The following ARHGAP15 variants were observed in gnomAD, a reference collection of about 807,000 sequenced individuals.
ARHGAP15 encodes the protein Rho GTPase activating protein 15, also known as rho GTPase-activating protein 15.
ARHGAP15 carries 51 observed loss-of-function variants against 63.7 expected under a neutral mutation model. The observed-to-expected ratio is 0.80, with a 90% CI of 0.64 to 1.01. The LOEUF is 1.01. ARHGAP15 is among the 50% of genes least tolerant of loss of function. ARHGAP15 has a pLI of 0.00. For missense variants in ARHGAP15, 560 were observed against 564.6 expected, an observed-to-expected ratio of 0.99 and a Z score of 0.08; for synonymous variants, 191 against 193.8, an observed-to-expected ratio of 0.99 and a Z score of 0.12.
At chr2:143,608,586 A>G (rs538595672) in intron 11 of ARHGAP15, 3 of 152,322 alleles carry the variant, frequency 2.0e-5, no homozygotes, top group East Asian at 3.9e-4. Context: ...CTGGTCGTCT[A>G]TTGTGTCAGA....
intron 6 of ARHGAP15, among the ~76,000 whole-genome samples, chr2:143,393,885 C>T (rs1290527175): frequency 6.6e-6 from 1 of 152,174 alleles, no homozygotes. Flanking sequence ...GAGCAATCTA[C>T]TGAAAATATC....
intron 5 of ARHGAP15, among the ~76,000 whole-genome samples, chr2:143,248,134 G>A (rs543852340): frequency 6.6e-6 from 1 of 152,214 alleles, no homozygotes; most frequent in South Asian, 2.1e-4. Context: ...GTTAGGAGGA[G>A]GGCTGCAGTG....
intron 6 of ARHGAP15, among the ~76,000 whole-genome samples, chr2:143,254,415 TAAA>T (rs540309663): frequency 7.0e-6 from 1 of 142,840 alleles, no homozygotes; most frequent in Non-Finnish European, 1.5e-5. Context: ...CAAGTTTGTT[TAAA>T]AAAAAAAAAA....
intron 6 of ARHGAP15, among the ~76,000 whole-genome samples, chr2:143,432,226 CA>C (rs1689420175): frequency 6.6e-6 from 1 of 151,702 alleles, no homozygotes; most frequent in Admixed American, 6.6e-5. Flanking sequence ...TTCTAGTAAA[CA>C]AAAGTATGGA....
intron 6 of ARHGAP15, among the ~76,000 whole-genome samples, chr2:143,425,055 TTA>T (rs997101187): frequency 1.3e-5 from 2 of 152,144 alleles, no homozygotes; most frequent in Non-Finnish European, 2.9e-5. Flanking sequence ...CAACAATAAA[TTA>T]TATAGTCACC....
At chr2:143,138,446 T>A (rs1043629645) in intron 1 of ARHGAP15, among the ~76,000 whole-genome samples, 2 of 152,136 alleles carry the variant, frequency 1.3e-5, no homozygotes, top group African/African-American at 4.8e-5. Flanking sequence ...CATGAGGCCC[T>A]AGAGTCTAAA....
At chr2:143,339,788 A>G (rs1684973001) in intron 6 of ARHGAP15, among the ~76,000 whole-genome samples, 1 of 152,196 alleles carries the variant, frequency 6.6e-6, no homozygotes, top group Non-Finnish European at 1.5e-5. Context: ...ATAGCACACT[A>G]TACTTTAAAA....
intron 9 of ARHGAP15, among the ~76,000 whole-genome samples, chr2:143,513,086 G>A (rs1473128965): frequency 6.6e-6 from 1 of 152,204 alleles, no homozygotes; most frequent in Non-Finnish European, 1.5e-5. Context: ...ACCTTCTTGG[G>A]TGAGTACAGC....
intron 8 of ARHGAP15, among the ~76,000 whole-genome samples, chr2:143,461,162 C>T (rs546898664): frequency 6.6e-6 from 1 of 151,642 alleles, no homozygotes; most frequent in Non-Finnish European, 1.5e-5. Context: ...CGGTGGCGCA[C>T]ACCTGTAATC....
rs943757807 is a variant in ARHGAP15 at position 143,554,930 on chromosome 2, C to G, written c.926-1478C>G. Among the ~76,000 whole-genome samples, 3 of 152,124 alleles carry G rather than the reference C, an allele frequency of 2.0e-5. No homozygotes were observed. In the South Asian group the frequency reaches 6.2e-4, roughly 32 times the overall value. ...TCACCACTGGCTAACTGGTGTCCAG[C>G]TTCACCCAATTCCTCACAATTTATA... is the stretch of plus-strand genomic sequence containing the variant. On this transcript the variant is annotated intron_variant, in intron 10 of 13. Coordinates refer to ENST00000295095, the MANE Select transcript of ARHGAP15 (RefSeq NM_018460.4).
chr2:143,657,099 C>G (rs898452031), intron 12 of ARHGAP15, among the ~76,000 whole-genome samples: 3 of 152,172 alleles, frequency 2.0e-5, no homozygotes, highest in African/African-American at 7.2e-5. Context: ...GTAATCCCAG[C>G]ACTTTGGGAG....
chr2:143,677,200 A>G (rs1682870393), intron 12 of ARHGAP15, among the ~76,000 whole-genome samples: 1 of 152,232 alleles, frequency 6.6e-6, no homozygotes, highest in Non-Finnish European at 1.5e-5. Flanking sequence ...AAGAGATGAA[A>G]TAGGGAATTC....
At chr2:143,531,995 T>C (rs775342552) in intron 10 of ARHGAP15, among the ~76,000 whole-genome samples, 11 of 152,216 alleles carry the variant, frequency 7.2e-5, no homozygotes, top group Non-Finnish European at 1.5e-4. Flanking sequence ...GATCAAGATC[T>C]CTATTGTTGT....
At chr2:143,311,765 ATTTC>A (rs960981287) in intron 6 of ARHGAP15, among the ~76,000 whole-genome samples, 1 of 152,116 alleles carries the variant, frequency 6.6e-6, no homozygotes, top group African/African-American at 2.4e-5. Context: ...TTCACTTCAA[ATTTC>A]TTTCTTCTCC....
At chr2:143,139,413 G>A (rs186534966) in intron 1 of ARHGAP15, among the ~76,000 whole-genome samples, 62 of 152,132 alleles carry the variant, frequency 4.1e-4, no homozygotes, top group African/African-American at 1.4e-3. Flanking sequence ...ATTGAGTCTT[G>A]TCTAGATTAT....
chr2:143,311,476 A>G (rs1683445057), intron 6 of ARHGAP15, among the ~76,000 whole-genome samples: 1 of 152,116 alleles, frequency 6.6e-6, no homozygotes, highest in Non-Finnish European at 1.5e-5. Context: ...GAGAGGAAAG[A>G]CACTACCTAT....
intron 8 of ARHGAP15, among the ~76,000 whole-genome samples, chr2:143,451,797 A>G (rs1171741314): frequency 6.6e-6 from 1 of 151,986 alleles, no homozygotes; most frequent in African/African-American, 2.4e-5. Context: ...TTCAGGAGTA[A>G]TAAATCACTC....
intron 12 of ARHGAP15, among the ~76,000 whole-genome samples, chr2:143,670,099 T>C (rs999548144): frequency 1.4e-4 from 21 of 152,124 alleles, no homozygotes; most frequent in Non-Finnish European, 2.9e-4. Context: ...TGAATTACCA[T>C]GGAATAGACA....
chr2:143,148,249 C>A (rs994905122), intron 1 of ARHGAP15, among the ~76,000 whole-genome samples: 2 of 151,990 alleles, frequency 1.3e-5, no homozygotes, highest in African/African-American at 4.8e-5. Context: ...ACCCTAAAAT[C>A]ATCTCCAGTC....
Sources: gnomAD v4.1 joint callset for allele counts (sites outside exome capture counted in the v4.1 genomes callset) on GRCh38, gnomAD v4.1.1 for gene constraint, MANE v1.5 for transcripts, NCBI Gene and HGNC (gene_info 2026-07-23, HGNC 2026-07-21) for gene names.